The following ZNF71 variants were observed in gnomAD, a reference collection of about 807,000 sequenced individuals.
ZNF71 encodes the protein endothelial zinc finger protein induced by tumor necrosis factor alpha.
ZNF71 carries 3 observed loss-of-function variants against 6.7 expected under a neutral mutation model. The observed-to-expected ratio is 0.45, with a 90% CI of 0.20 to 1.16. ZNF71 has a LOEUF of 1.16. Among genes scored for constraint, ZNF71 ranks in the 50% most tolerant of loss-of-function variants. The pLI is 0.25. For missense variants in ZNF71, 688 were observed against 728.6 expected, an observed-to-expected ratio of 0.94 and a Z score of 0.64; for synonymous variants, 343 against 311.1, an observed-to-expected ratio of 1.10 and a Z score of -1.08.
intron 2 of ZNF71, among the ~76,000 whole-genome samples, chr19:56,611,019 C>T (rs1600590870): frequency 6.6e-6 from 1 of 152,284 alleles, no homozygotes; most frequent in East Asian, 1.9e-4. Flanking sequence ...TGTGCAAATA[C>T]AGAGTGCACC....
At chr19:56,614,073 T>C (rs2044772140) in intron 3 of ZNF71, 135 bp downstream of exon 3, 1 of 711,030 alleles carries the variant, frequency 1.4e-6, no homozygotes, top group East Asian at 1.3e-4. Flanking sequence ...AAGCTAAAAA[T>C]AAAGTTGATC....
rs562093806 is a variant in ZNF71 at position 56,610,887 on chromosome 19, T to G, written c.34-2925T>G. 7.5e-4 allele frequency among the ~76,000 whole-genome samples: 115 copies of G among 152,344 alleles called. 1 individual carries two copies. Among genetic ancestry groups the G allele is most frequent in the Admixed American group, 9.2e-4 (14 of 15,300 alleles). ...GCATGTGTCAGAATTTCTTTCCTTA[T>G]TAAGTCTGAATGAGATTTCATTGTA... On this transcript the variant is annotated intron_variant, in intron 2 of 3. Transcript: ENST00000599599.
At chr19:56,606,866 C>T (rs577904154) in intron 2 of ZNF71, among the ~76,000 whole-genome samples, 1 of 152,154 alleles carries the variant, frequency 6.6e-6, no homozygotes, top group Admixed American at 6.5e-5. Flanking sequence ...TTACCTCTGC[C>T]AGATTCTATT....
chr19:56,605,489 G>A, intron 2 of ZNF71, among the ~76,000 whole-genome samples: 1 of 152,180 alleles, frequency 6.6e-6, no homozygotes, highest in South Asian at 2.1e-4. Context: ...GAGATGCCAG[G>A]CACGAACTGC....
At position 56,595,310 on chromosome 19, in the gene ZNF71, G is replaced by C. The variant is rs1467415219; in HGVS notation, c.-171G>C. ...GCCTAGCGGGCGCGGTCATTGTCCT[G>C]GCAGAGCGGCGAGCCGGTGAGTGTG... On this transcript the variant is annotated 5_prime_UTR_variant, in exon 1 of 4. Coordinates refer to ENST00000599599, the MANE Select transcript of ZNF71 (RefSeq NM_001370215.1). 1 of 152,488 alleles carries C rather than the reference G, an allele frequency of 6.6e-6. No homozygotes were observed. The highest frequency in any genetic ancestry group is 6.5e-5 in the Admixed American group (1 of 15,290). 9.4% of individuals were successfully genotyped at this position (152,488 alleles called of 1,614,324 possible). A position where few individuals can be genotyped will look rare whatever the true frequency, so the allele number is the denominator to read the frequency against.
intron 2 of ZNF71, among the ~76,000 whole-genome samples, chr19:56,606,964 G>C (rs574082843): frequency 2.4e-4 from 37 of 152,192 alleles, no homozygotes; most frequent in African/African-American, 8.7e-4. Context: ...TTTTCAACAA[G>C]TCTACCCACT....
At position 56,621,419 on chromosome 19, in the gene ZNF71, G is replaced by A. The variant is rs1426365057; in HGVS notation, c.312G>A (p.Trp104Ter). ...GSEGVWEPGSWPERPRGDAGA... is the reference protein window; with the variant it reads ...GSEGVWEPGS Reference sequence around the variant, plus strand: ...AAGGAGTGTGGGAACCAGGCAGCTGGCCAGAGAGGCCGCGGGGAGATGCAG... The same window carrying A: ...AAGGAGTGTGGGAACCAGGCAGCTGACCAGAGAGGCCGCGGGGAGATGCAG... The change falls in exon 4 of 4, where the codon TGG becomes TGA. Residue 104 changes from tryptophan (W) to a stop codon, truncating the protein, a stop_gained. Transcript: ENST00000599599. LOFTEE classifies it low-confidence loss of function (END_TRUNC). 5 of 1,613,506 alleles carry A rather than the reference G, an allele frequency of 3.1e-6. No individual in the cohort carries two copies. Among genetic ancestry groups the A allele is most frequent in the East Asian group, 2.2e-5 (1 of 44,864 alleles).
Position 56,613,971 on chromosome 19 carries a change from TG to T in ZNF71, c.160+35del. The T allele has an allele frequency of 9.4e-7, 1 of 1,066,114 alleles. No homozygotes were observed. The highest frequency in any genetic ancestry group is 1.2e-6 in the Non-Finnish European group (1 of 863,388). The allele number at this position is 1,066,114 out of a possible 1,614,324, so 66.0% of individuals were successfully genotyped here. A position where few individuals can be genotyped will look rare whatever the true frequency, so the allele number is the denominator to read the frequency against. On this transcript the variant is annotated intron_variant, in intron 3 of 3. Transcript: ENST00000599599. This position sits in a 1 kb window ranked among gnomAD's most constrained non-coding sequence, Gnocchi z 4.6. ...GCAGCTTCGTTGAGTTACTCATCAT[TG>T]GCCCATAACTTCAGGACCACAAATA...
Position 56,622,069 on chromosome 19 carries a change from A to G in ZNF71, c.962A>G (p.Gln321Arg). 1 of 1,612,838 alleles carries G rather than the reference A, an allele frequency of 6.2e-7. No homozygotes were observed. Among genetic ancestry groups the G allele is most frequent in the Non-Finnish European group, 8.5e-7 (1 of 1,179,116 alleles). ...FSQNMHLIVH[Q>R]RTHTGEKPYV... ...CAGAACATGCACCTCATCGTGCACCAGCGCACGCACACCGGGGAGAAGCCG... is the reference window on the plus strand; with the variant it reads ...CAGAACATGCACCTCATCGTGCACCGGCGCACGCACACCGGGGAGAAGCCG... The change falls in exon 4 of 4, where the codon CAG (glutamine) becomes CGG (arginine). Residue 321 changes from glutamine (Q) to arginine (R), a missense_variant. By Grantham distance (43) the Gln-to-Arg change is conservative (BLOSUM62 1). Transcript: ENST00000599599.
intron 2 of ZNF71, chr19:56,610,420 A>T (rs1183552878): frequency 6.6e-6 from 1 of 151,994 alleles, no homozygotes; most frequent in Non-Finnish European, 1.5e-5. Flanking sequence ...TATTCGGGAG[A>T]TCATTCTGCA....
intron 1 of ZNF71, among the ~76,000 whole-genome samples, chr19:56,601,009 A>G (rs2148004734): frequency 1.3e-5 from 2 of 152,136 alleles, no homozygotes; most frequent in East Asian, 3.9e-4. Flanking sequence ...TCAGTCCAGC[A>G]CTCACACTCA....
Position 56,622,889 on chromosome 19 carries a change from G to T in ZNF71, c.*132G>T, listed in dbSNP as rs11672542. 442,332 of 1,224,036 alleles carry T rather than the reference G, an allele frequency of 0.36. 82,900 individuals carry two copies. The highest frequency in any genetic ancestry group is 0.39 in the Non-Finnish European group (347,367 of 892,198). 75.8% of individuals were successfully genotyped at this position (1,224,036 alleles called of 1,614,324 possible). A position where few individuals can be genotyped will look rare whatever the true frequency, so the allele number is the denominator to read the frequency against. Reference sequence around the variant, plus strand: ...GGGTCAGGGGAGCTCAGGAATGTGGGGTTGTGGAGGGGCTGGCTGATCACA... The same window carrying T: ...GGGTCAGGGGAGCTCAGGAATGTGGTGTTGTGGAGGGGCTGGCTGATCACA... On this transcript the variant is annotated 3_prime_UTR_variant, in exon 4 of 4. Coordinates refer to ENST00000599599, the MANE Select transcript of ZNF71 (RefSeq NM_001370215.1).
At chr19:56,611,852 G>A (rs185838577) in intron 2 of ZNF71, among the ~76,000 whole-genome samples, 203 of 152,342 alleles carry the variant, frequency 1.3e-3, no homozygotes, top group African/African-American at 4.7e-3. Context: ...CTCAAGGGAA[G>A]GCTCTGTTCC....
At chr19:56,597,956 T>A (rs2044638412) in intron 1 of ZNF71, among the ~76,000 whole-genome samples, 1 of 152,146 alleles carries the variant, frequency 6.6e-6, no homozygotes, top group Non-Finnish European at 1.5e-5. Flanking sequence ...AGAAGTTAGC[T>A]CATCTGTTCA....
In ZNF71 at chr19:56,621,263, T is replaced by C; in HGVS notation, c.161-5T>C. 2 of 1,514,792 alleles carry C rather than the reference T, an allele frequency of 1.3e-6. No homozygotes were observed. Among genetic ancestry groups the C allele is most frequent in the African/African-American group, 1.4e-5 (1 of 71,726 alleles). 93.8% of individuals were successfully genotyped at this position (1,514,792 alleles called of 1,614,324 possible). The stretch of plus-strand genomic sequence containing the variant: ...ATTTGCATCTTCTGTTTTTGTTTTT[T>C]TCAGACTGGGAGACTAGACCTGAAA... On this transcript the variant is annotated splice_region_variant and splice_polypyrimidine_tract_variant and intron_variant, in intron 3 of 3. Coordinates refer to ENST00000599599, the MANE Select transcript of ZNF71 (RefSeq NM_001370215.1).
At chr19:56,614,751 G>A (rs930347150) in intron 3 of ZNF71, among the ~76,000 whole-genome samples, 4 of 152,094 alleles carry the variant, frequency 2.6e-5, no homozygotes, top group Admixed American at 6.5e-5. Flanking sequence ...AATTAACCAC[G>A]CATATATAAA....
In ZNF71 at chr19:56,598,006, T is replaced by C. The variant is rs2044638926; in HGVS notation, c.-53+2578T>C. Among the ~76,000 whole-genome samples, 1 of 152,214 alleles carries C rather than the reference T, an allele frequency of 6.6e-6. No homozygotes were observed. Among genetic ancestry groups the C allele is most frequent in the Admixed American group, 6.5e-5 (1 of 15,284 alleles). ...TAAGTGCCTCCTGTGTGTTAGACGT[T>C]GTCCTAGATGTCGGAAATACAATCT... On this transcript the variant is annotated intron_variant, in intron 1 of 3. Transcript: ENST00000599599. This position sits in a 1 kb window ranked among gnomAD's most constrained non-coding sequence, Gnocchi z 4.2.
At chr19:56,621,108 C>T (rs1486511149) in intron 3 of ZNF71, among the ~76,000 whole-genome samples, 160 bp from the exon 4 acceptor site, 1 of 152,198 alleles carries the variant, frequency 6.6e-6, no homozygotes, top group African/African-American at 2.4e-5. Context: ...ATGCCTCCCT[C>T]CTCCCTCCCT....
Position 56,617,112 on chromosome 19 carries a change from G to GTTTTGTTTTTT in ZNF71, c.160+3178_160+3179insGTTTTTTTTTT, listed in dbSNP as rs1555776017. On this transcript the variant is annotated intron_variant, in intron 3 of 3. Coordinates refer to ENST00000599599, the MANE Select transcript of ZNF71 (RefSeq NM_001370215.1). ...TTACAGGAGACTTCCATTTTCTTTT[G>GTTTTGTTTTTT]TTTTTTTTTGTTTTTTTTGAGACAG... Among the ~76,000 whole-genome samples, 14 of 140,694 alleles carry GTTTTGTTTTTT rather than the reference G, an allele frequency of 1.0e-4. 1 individual carries two copies. The highest frequency in any genetic ancestry group is 4.4e-4 in the East Asian group (2 of 4,498). 92.3% of individuals were successfully genotyped at this position (140,694 alleles called of 152,430 possible).
Sources: allele counts gnomAD v4.1 joint callset (sites outside exome capture counted in the v4.1 genomes callset), GRCh38; gene constraint gnomAD v4.1.1; non-coding constraint Gnocchi (gnomAD v3.1); transcripts MANE v1.5; gene names NCBI Gene and HGNC (gene_info 2026-07-23, HGNC 2026-07-21).